The following UXS1 variants were observed in gnomAD, a reference collection of about 807,000 sequenced individuals.
UXS1 encodes the protein UDP-glucuronate decarboxylase 1, also known as UDP-glucuronic acid decarboxylase 1.
In UXS1, 33 loss-of-function variants were observed where a neutral mutation model predicts 62.6. The observed-to-expected ratio is 0.53, with a 90% CI of 0.40 to 0.70. The LOEUF (loss-of-function observed/expected upper bound fraction) is 0.70, where lower values mean the gene tolerates loss of function less well. Among genes scored for constraint, UXS1 ranks in the 30% least tolerant of loss-of-function variants. The pLI is 0.00. For missense variants in UXS1, 434 were observed against 556.3 expected (o/e 0.78, Z 2.21); for synonymous variants, 213 against 206.8 (o/e 1.03, Z -0.26).
intron 6 of UXS1, among the ~76,000 whole-genome samples, chr2:106,143,671 T>C (rs898529418): frequency 6.6e-6 from 1 of 152,100 alleles, no homozygotes; most frequent in African/African-American, 2.4e-5. Context: ...CTTCAGAGGA[T>C]GATTCAGGAT....
At chr2:106,162,002 A>G (rs541681103) in intron 4 of UXS1, among the ~76,000 whole-genome samples, 3 of 152,312 alleles carry the variant, frequency 2.0e-5, no homozygotes, top group Admixed American at 6.5e-5. Flanking sequence ...TGGTTGTTTG[A>G]TCATCTTTAT....
At chr2:106,130,842 A>C (rs1334031329) in intron 6 of UXS1, among the ~76,000 whole-genome samples, 3 of 151,900 alleles carry the variant, frequency 2.0e-5, no homozygotes, top group African/African-American at 7.3e-5. Flanking sequence ...GAGACTCTAG[A>C]CCTTCATTCA....
At chr2:106,098,910 CCAG>C in intron 12 of UXS1, 137 bp from the exon 13 acceptor site, 4 of 718,358 alleles carry the variant, frequency 5.6e-6, no homozygotes, top group Non-Finnish European at 9.7e-6. Context: ...GCTCCGTGTG[CCAG>C]AGGGTACTCC....
In UXS1 at chr2:106,117,792, G is replaced by C. The variant is rs540502204; in HGVS notation, c.760-5027C>G. On this transcript the variant is annotated intron_variant, in intron 9 of 14. Coordinates refer to ENST00000283148, the MANE Select transcript of UXS1 (RefSeq NM_001253875.2). ...GAACCCCCTAACTCCCCTAGGGCCT[G>C]TCATGCATACATCTCGATGGGTTCT... 3.0e-4 allele frequency among the ~76,000 whole-genome samples: 46 copies of C among 152,348 alleles called. 1 individual carries two copies. The highest frequency in any genetic ancestry group is 1.1e-3 in the African/African-American group (45 of 41,592).
intron 7 of UXS1, among the ~76,000 whole-genome samples, chr2:106,128,652 A>T (rs1680173689): frequency 6.6e-6 from 1 of 152,144 alleles, no homozygotes; most frequent in Non-Finnish European, 1.5e-5. Context: ...TTGCTTGCAG[A>T]AGGCAGACGG....
At position 106,093,968 on chromosome 2, in the gene UXS1, C is replaced by A; in HGVS notation, c.*58G>T. 1.3e-6 allele frequency: 2 copies of A among 1,485,322 alleles called. No individual in the cohort carries two copies. The highest frequency in any genetic ancestry group is 8.9e-7 in the Non-Finnish European group (1 of 1,122,122). The allele number at this position is 1,485,322 out of a possible 1,614,324, so 92.0% of individuals were successfully genotyped here. ...TTCTTTAAACGACAACAAAAAAAAG[C>A]CAAAAATACATCCCATCAAGTGTAC... On this transcript the variant is annotated 3_prime_UTR_variant, in exon 15 of 15. Coordinates refer to ENST00000283148, the MANE Select transcript of UXS1 (RefSeq NM_001253875.2).
At chr2:106,193,263 G>A (rs1685046548) in intron 1 of UXS1, among the ~76,000 whole-genome samples, 1 of 152,156 alleles carries the variant, frequency 6.6e-6, no homozygotes, top group South Asian at 2.1e-4. Flanking sequence ...GTGTGTCTGG[G>A]TGGCTAGCAT....
intron 1 of UXS1, among the ~76,000 whole-genome samples, chr2:106,173,334 C>T (rs571747422): frequency 1.3e-5 from 2 of 152,244 alleles, no homozygotes; most frequent in South Asian, 4.1e-4. Context: ...GTGTGGACTG[C>T]TTTAGCCCAG....
chr2:106,146,673 G>A (rs1254546915), intron 5 of UXS1, among the ~76,000 whole-genome samples: 1 of 151,122 alleles, frequency 6.6e-6, no homozygotes, highest in East Asian at 1.9e-4. Flanking sequence ...CCAGCTAGTT[G>A]GGAGGCTAAG....
chr2:106,096,873 A>G, intron 13 of UXS1, 52 bp from the exon 14 acceptor site: 1 of 1,520,838 alleles, frequency 6.6e-7, no homozygotes, highest in Non-Finnish European at 8.9e-7. Flanking sequence ...AGCATGGGTA[A>G]GCACAGCCTT....
chr2:106,141,614 T>A (rs1032803076), intron 6 of UXS1, among the ~76,000 whole-genome samples: 1 of 152,018 alleles, frequency 6.6e-6, no homozygotes, highest in African/African-American at 2.4e-5. Flanking sequence ...CATGCCACCA[T>A]GCCTGGGTAA....
chr2:106,145,281 G>A lies in UXS1; in HGVS notation c.381C>T (p.Phe127=). 6.2e-7 allele frequency: 1 copy of A among 1,613,986 alleles called. No homozygotes were observed. The highest frequency in any genetic ancestry group is 2.2e-5 in the East Asian group (1 of 44,880). ...GHEVTVVDNF[F]TGRKRNVEHW... ...GCTCCACGTTTCTCTTCCTGCCCGT[G>A]AAGAAATTGTCCACCACGGTCACCT... Residue 127 remains phenylalanine, a synonymous_variant, in exon 6 of 15, where the codon TTC becomes TTT. Transcript: ENST00000283148.
chr2:106,119,448 G>A (rs1431129315), intron 9 of UXS1, among the ~76,000 whole-genome samples: 1 of 152,194 alleles, frequency 6.6e-6, no homozygotes, highest in East Asian at 1.9e-4. Context: ...TGAGGGGGCT[G>A]CGGGGAATTA....
chr2:106,100,999 T>C, intron 12 of UXS1, 59 bp downstream of exon 12: 1 of 1,602,766 alleles, frequency 6.2e-7, no homozygotes, highest in Non-Finnish European at 8.5e-7. Context: ...CTGCTCATGG[T>C]TTCACAAATG....
chr2:106,162,018 ACT>A (rs999462795), intron 4 of UXS1, among the ~76,000 whole-genome samples: 2 of 152,204 alleles, frequency 1.3e-5, no homozygotes, highest in African/African-American at 4.8e-5. Flanking sequence ...TTTATCACAC[ACT>A]GAGTCAGGAA....
chr2:106,143,388 A>G (rs907294781), intron 6 of UXS1, among the ~76,000 whole-genome samples: 4 of 126,830 alleles, frequency 3.2e-5, no homozygotes, highest in Non-Finnish European at 6.4e-5. Context: ...CAGCCTGGGC[A>G]ACAGAGAGAG....
chr2:106,098,429 C>T (rs572221424), intron 13 of UXS1, among the ~76,000 whole-genome samples: 111 of 152,328 alleles, frequency 7.3e-4, no homozygotes, highest in African/African-American at 2.6e-3. Flanking sequence ...AGTTGTCACC[C>T]ATGTAGGATG....
chr2:106,116,952 A>T (rs1203090799), intron 9 of UXS1, among the ~76,000 whole-genome samples: 1 of 152,214 alleles, frequency 6.6e-6, no homozygotes, highest in Non-Finnish European at 1.5e-5. Flanking sequence ...CATTCAGTGG[A>T]GAGTACAACA....
chr2:106,119,516 C>T (rs996062504), intron 9 of UXS1, among the ~76,000 whole-genome samples: 2 of 152,174 alleles, frequency 1.3e-5, no homozygotes, highest in African/African-American at 4.8e-5. Context: ...GGCATTCCAG[C>T]CCCCAGTTCC....
Sources: allele counts gnomAD v4.1 joint callset (sites outside exome capture counted in the v4.1 genomes callset), GRCh38; gene constraint gnomAD v4.1.1; transcripts MANE v1.5; gene names NCBI Gene and HGNC (gene_info 2026-07-23, HGNC 2026-07-21).